The following FBXO7 variants were observed in gnomAD, a reference collection of about 807,000 sequenced individuals.
The protein encoded by FBXO7 is F-box protein 7, also known as F-box only protein 7.
Under a neutral mutation model 50.2 loss-of-function variants are expected in FBXO7, and 31 were observed. That is an observed-to-expected ratio of 0.62 (90% CI 0.46 to 0.83). The LOEUF is 0.83. FBXO7 is among the 40% of genes least tolerant of loss of function. The pLI is 0.00. For missense variants in FBXO7, 667 were observed against 646.6 expected, an observed-to-expected ratio of 1.03 and a Z score of -0.34; for synonymous variants, 256 against 253.1, an observed-to-expected ratio of 1.01 and a Z score of -0.11.
chr22:32,479,393 AT>A (rs869156089), intron 2 of FBXO7, 118 bp downstream of exon 2: 60 of 861,472 alleles, frequency 7.0e-5, no homozygotes, highest in Non-Finnish European at 7.8e-5. Flanking sequence ...TTTTATATAT[AT>A]TTTTTTCTTT....
intron 5 of FBXO7, chr22:32,488,394 C>T (rs7354804): frequency 0.42 from 63,527 of 152,536 alleles, 13,744 homozygotes; most frequent in East Asian, 0.69. Flanking sequence ...CAGGTTTTCC[C>T]TTTTATCATT....
intron 4 of FBXO7, among the ~76,000 whole-genome samples, chr22:32,485,684 A>G (rs1393791509): frequency 6.6e-6 from 1 of 152,198 alleles, no homozygotes; most frequent in African/African-American, 2.4e-5. Context: ...CACAACAACA[A>G]TGCTAAGTTT....
chr22:32,479,401 C>CTT lies in FBXO7; in HGVS notation c.417+140_417+141dup, dbSNP rs5845002. The CTT allele has an allele frequency of 8.1e-3, 4,622 of 571,166 alleles. 2 individuals are homozygous for CTT. The highest frequency in any genetic ancestry group is 0.011 in the Non-Finnish European group (3,930 of 365,856). 35.4% of individuals were successfully genotyped at this position (571,166 alleles called of 1,614,324 possible). A position where few individuals can be genotyped will look rare whatever the true frequency, so the allele number is the denominator to read the frequency against. ...TTGCACATTTTATATATATTTTTTT[C>CTT]TTTTTTTTTTTTTTTGAGACAGAGT... On this transcript the variant is annotated intron_variant, in intron 2 of 8. Transcript: ENST00000266087.
chr22:32,491,422 C>A lies in FBXO7; in HGVS notation c.967+241C>A. On this transcript the variant is annotated intron_variant, in intron 6 of 8. Transcript: ENST00000266087. ...TGGACTATAATTGTTGATATGATTT[C>A]TTTCCACCTAAGGTTGGGAATACCT... The A allele has an allele frequency of 1.6e-5, 7 of 444,252 alleles. No individual in the cohort carries two copies. In the South Asian group the frequency reaches 1.7e-4, roughly 11 times the overall value. The allele number at this position is 444,252 out of a possible 1,614,324, so 27.5% of individuals were successfully genotyped here.
In FBXO7 at chr22:32,483,896, G is replaced by A; in HGVS notation, c.418-1G>A. 2 of 1,613,730 alleles carry A rather than the reference G, an allele frequency of 1.2e-6. No homozygotes were observed. The highest frequency in any genetic ancestry group is 4.5e-5 in the East Asian group (2 of 44,886). On this transcript the variant is annotated splice_acceptor_variant, in intron 2 of 8. Transcript: ENST00000266087. LOFTEE classifies it high-confidence loss of function. The stretch of plus-strand genomic sequence containing the variant: ...TTCATTGTTTTGTTTTCCTTTTTCA[G>A]TTAGGGCCTAGTCAAAATTTTGAAG...
At chr22:32,487,547 G>A in intron 4 of FBXO7, 198 bp from the exon 5 acceptor site, 1 of 542,478 alleles carries the variant, frequency 1.8e-6, no homozygotes, top group Non-Finnish European at 3.4e-6. Flanking sequence ...TGGTGTTGTA[G>A]AGTGATTTTA....
In FBXO7 at chr22:32,479,192, C is replaced by T. The variant is rs1266126547; in HGVS notation, c.334C>T (p.Gln112Ter). 2 of 1,614,102 alleles carry T rather than the reference C, an allele frequency of 1.2e-6. No homozygotes were observed. Among genetic ancestry groups the T allele is most frequent in the Non-Finnish European group, 1.7e-6 (2 of 1,180,018 alleles). ...ACCCTCTTTGGCCACCAGCTCCAATCAGACTAGCATGCAGGATGAACAACC... is the reference window on the plus strand; with the variant it reads ...ACCCTCTTTGGCCACCAGCTCCAATTAGACTAGCATGCAGGATGAACAACC... ...EQPSLATSSNQTSMQDEQPSD... is the reference protein window; with the variant it reads ...EQPSLATSSN The change falls in exon 2 of 9, where the codon CAG (glutamine) becomes TAG (stop). Residue 112 changes from glutamine (Q) to a stop codon, truncating the protein, a stop_gained. Transcript: ENST00000266087. LOFTEE classifies it high-confidence loss of function.
intron 1 of FBXO7, 85 bp from the exon 2 acceptor site, chr22:32,478,896 T>A: frequency 4.0e-6 from 5 of 1,242,966 alleles, no homozygotes; most frequent in Non-Finnish European, 4.7e-6. Context: ...AGGGTCATAC[T>A]GTGTACTTAT....
chr22:32,477,145 G>A (rs927690854), intron 1 of FBXO7, among the ~76,000 whole-genome samples: 1 of 152,174 alleles, frequency 6.6e-6, no homozygotes, highest in African/African-American at 2.4e-5. Context: ...GAAAAGAGAA[G>A]CAGGGCCACT....
intron 8 of FBXO7, 120 bp downstream of exon 8, chr22:32,495,650 T>G (rs919559984): frequency 2.3e-6 from 1 of 437,382 alleles, no homozygotes; most frequent in African/African-American, 2.0e-5. Flanking sequence ...AATTTATTGC[T>G]AAATTTCAGT....
Position 32,474,855 on chromosome 22 carries a change from G to A in FBXO7, c.-148G>A. ...GTGGCAGGGCGGCCACTGTGGCGGGGCTCTTTCCCCGTTTCGCCTCAGCTA... is the reference window on the plus strand; with the variant it reads ...GTGGCAGGGCGGCCACTGTGGCGGGACTCTTTCCCCGTTTCGCCTCAGCTA... On this transcript the variant is annotated 5_prime_UTR_variant, in exon 1 of 9. Coordinates refer to ENST00000266087, the MANE Select transcript of FBXO7 (RefSeq NM_012179.4). 1.3e-6 allele frequency: 1 copy of A among 764,196 alleles called. No homozygotes were observed. The highest frequency in any genetic ancestry group is 2.0e-6 in the Non-Finnish European group (1 of 498,492). 47.3% of individuals were successfully genotyped at this position (764,196 alleles called of 1,614,324 possible). A position where few individuals can be genotyped will look rare whatever the true frequency, so the allele number is the denominator to read the frequency against.
At chr22:32,485,738 C>G (rs2057494315) in intron 4 of FBXO7, among the ~76,000 whole-genome samples, 1 of 152,238 alleles carries the variant, frequency 6.6e-6, no homozygotes, top group East Asian at 1.9e-4. Flanking sequence ...TGGGCCTCCC[C>G]CAACAAATGT....
chr22:32,480,713 A>G (rs2057459227), intron 2 of FBXO7, among the ~76,000 whole-genome samples: 1 of 150,250 alleles, frequency 6.7e-6, no homozygotes, highest in Non-Finnish European at 1.5e-5. Flanking sequence ...TCCCTCACCC[A>G]GGCTGGAGTG....
At chr22:32,492,803 G>A (rs984250468) in intron 6 of FBXO7, 10 of 396,766 alleles carry the variant, frequency 2.5e-5, no homozygotes, top group Non-Finnish European at 4.6e-5. Flanking sequence ...GTTTGAGACA[G>A]AAGAGACCAT....
rs1471195531 is a variant in FBXO7 at position 32,475,039 on chromosome 22, C to T, written c.37C>T (p.Pro13Ser). ...LRVRLLKRTWPLEVPETEPTL... is the reference protein window; with the variant it reads ...LRVRLLKRTWSLEVPETEPTL... ...GGTGCGGCTTCTGAAGCGGACCTGGCCGCTGGAGGTGCCCGAGACGGAGCC... is the reference window on the plus strand; with the variant it reads ...GGTGCGGCTTCTGAAGCGGACCTGGTCGCTGGAGGTGCCCGAGACGGAGCC... The change falls in exon 1 of 9, where the codon CCG (proline) becomes TCG (serine). Residue 13 changes from proline (P) to serine (S), a missense_variant. Physicochemically the swap from Pro to Ser is moderately conservative, Grantham distance 74. Coordinates refer to ENST00000266087, the MANE Select transcript of FBXO7 (RefSeq NM_012179.4). 6.5e-7 allele frequency: 1 copy of T among 1,543,400 alleles called. No homozygotes were observed.
chr22:32,478,679 C>T (rs963929236), intron 1 of FBXO7, among the ~76,000 whole-genome samples: 4 of 152,080 alleles, frequency 2.6e-5, no homozygotes, highest in African/African-American at 9.7e-5. Flanking sequence ...GTGATTGTGC[C>T]ACTTCACTCC....
In FBXO7 at chr22:32,479,221, T is replaced by G. The variant is rs1473832566; in HGVS notation, c.363T>G (p.Ser121Arg). ...NQTSMQDEQP[S>R]DSFQGQAAQS... ...CTAGCATGCAGGATGAACAACCAAGTGATTCATTCCAAGGACAGGCAGCCC... is the reference window on the plus strand; with the variant it reads ...CTAGCATGCAGGATGAACAACCAAGGGATTCATTCCAAGGACAGGCAGCCC... The change falls in exon 2 of 9, where the codon AGT (serine) becomes AGG (arginine). Residue 121 changes from serine to arginine, a missense_variant. Ser to Arg is a moderately radical substitution (Grantham distance 110, BLOSUM62 -1). Coordinates refer to ENST00000266087, the MANE Select transcript of FBXO7 (RefSeq NM_012179.4). 4 of 1,614,048 alleles carry G rather than the reference T, an allele frequency of 2.5e-6. No homozygotes were observed. The highest frequency in any genetic ancestry group is 3.4e-6 in the Non-Finnish European group (4 of 1,180,012).
chr22:32,490,776 T>G, intron 5 of FBXO7: 1 of 357,532 alleles, frequency 2.8e-6, no homozygotes. Context: ...CCAGAACAGA[T>G]TGATAGCTAT....
chr22:32,475,346 C>T (rs2057420060), intron 1 of FBXO7: 2 of 1,608,196 alleles, frequency 1.2e-6, no homozygotes, highest in African/African-American at 1.3e-5. Flanking sequence ...CGGCTGGGGT[C>T]CGGCTCCTGG....
Sources: gnomAD v4.1 joint callset for allele counts (sites outside exome capture counted in the v4.1 genomes callset) on GRCh38, gnomAD v4.1.1 for gene constraint, MANE v1.5 for transcripts, NCBI Gene and HGNC (gene_info 2026-07-23, HGNC 2026-07-21) for gene names.